The following RIMS1 variants were observed in gnomAD, a reference collection of about 807,000 sequenced individuals.
The protein encoded by RIMS1 is regulating synaptic membrane exocytosis 1.
Under a neutral mutation model 214.1 loss-of-function variants are expected in RIMS1, and 83 were observed. The observed-to-expected ratio is 0.39, with a 90% confidence interval of 0.32 to 0.47. The LOEUF (loss-of-function observed/expected upper bound fraction) is 0.47, where lower values mean the gene tolerates loss of function less well. Among genes scored for constraint, RIMS1 ranks in the 20% least tolerant of loss-of-function variants. The pLI is 0.99. For synonymous variants in RIMS1, 793 were observed against 786.8 expected (o/e 1.01, Z -0.13); for missense variants, 2,050 against 2,161.8 (o/e 0.95, Z 1.03).
intron 1 of RIMS1, among the ~76,000 whole-genome samples, chr6:71,968,612 G>C (rs1357858637): frequency 6.6e-6 from 1 of 152,152 alleles, no homozygotes; most frequent in Non-Finnish European, 1.5e-5. Context: ...AGAATATCCT[G>C]CTCAAAATTT....
At chr6:72,207,375 G>T (rs1036579785) in intron 6 of RIMS1, among the ~76,000 whole-genome samples, 3 of 152,172 alleles carry the variant, frequency 2.0e-5, no homozygotes, top group Non-Finnish European at 2.9e-5. Context: ...AAATGATCTT[G>T]ACTCTACTTG....
chr6:71,904,374 G>A (rs1187082039), intron 1 of RIMS1, among the ~76,000 whole-genome samples: 1 of 152,134 alleles, frequency 6.6e-6, no homozygotes, highest in East Asian at 1.9e-4. Context: ...TACAAATACA[G>A]TAAGGCCTCA....
intron 1 of RIMS1, among the ~76,000 whole-genome samples, chr6:71,934,741 G>A (rs1783999721): frequency 6.6e-6 from 1 of 152,140 alleles, no homozygotes; most frequent in South Asian, 2.1e-4. Flanking sequence ...CAGTCTCCTA[G>A]GAATAACTCT....
chr6:72,265,422 C>G lies in RIMS1; in HGVS notation c.3227C>G (p.Ser1076Ter). 1 of 1,608,548 alleles carries G rather than the reference C, an allele frequency of 6.2e-7. No individual in the cohort carries two copies. The highest frequency in any genetic ancestry group is 8.5e-7 in the Non-Finnish European group (1 of 1,176,040). Residue 1076 changes from serine to a stop codon, truncating the protein, a stop_gained, in exon 21 of 34, where the codon TCA (serine) becomes TGA (stop). Transcript: ENST00000521978. LOFTEE classifies it high-confidence loss of function. ...SILPAHTKTK[S>*]VTRQDISLHH... ...CTGCCTGCACATACTAAGACCAAAT[C>G]AGTGACTAGACAGGACATTTCCCTT...
intron 2 of RIMS1, among the ~76,000 whole-genome samples, chr6:72,052,251 C>A (rs897376349): frequency 2.0e-5 from 3 of 152,166 alleles, no homozygotes; most frequent in African/African-American, 7.2e-5. Flanking sequence ...AGTTAAAGAC[C>A]TGCTACCTCT....
At position 71,910,476 on chromosome 6, in the gene RIMS1, G is replaced by A. The variant is rs149677651; in HGVS notation, c.164+23289G>A. Among the ~76,000 whole-genome samples the A allele has an allele frequency of 7.9e-5, 12 of 152,156 alleles. No homozygotes were observed. In the East Asian group the frequency reaches 1.5e-3, roughly 20 times the overall value. On this transcript the variant is annotated intron_variant, in intron 1 of 33. Coordinates refer to ENST00000521978, the MANE Select transcript of RIMS1 (RefSeq NM_014989.7). ...TTGGTATACAATGTCCCGTCCATGC[G>A]TACACACTAGGCCACATTATGAATA...
intron 29 of RIMS1, among the ~76,000 whole-genome samples, chr6:72,370,561 C>T (rs1281086858): frequency 6.6e-6 from 1 of 152,192 alleles, no homozygotes; most frequent in Non-Finnish European, 1.5e-5. Context: ...ACTTCTGATT[C>T]TACTGAAATA....
At chr6:72,348,677 C>G (rs561065837) in intron 29 of RIMS1, among the ~76,000 whole-genome samples, 136 of 151,948 alleles carry the variant, frequency 9.0e-4, no homozygotes, top group Non-Finnish European at 1.8e-3. Flanking sequence ...ACCCATCACC[C>G]AAATAGTAAA....
At chr6:72,057,716 C>T (rs1415254412) in intron 2 of RIMS1, among the ~76,000 whole-genome samples, 1 of 152,046 alleles carries the variant, frequency 6.6e-6, no homozygotes, top group Non-Finnish European at 1.5e-5. Flanking sequence ...ACCGTGTTAA[C>T]CAGGATGGTC....
intron 4 of RIMS1, among the ~76,000 whole-genome samples, chr6:72,168,954 G>C (rs184071665): frequency 6.6e-6 from 1 of 152,142 alleles, no homozygotes; most frequent in Admixed American, 6.5e-5. Flanking sequence ...CTCTGCAGAT[G>C]GTGTTACTGT....
At chr6:72,316,365 C>G (rs907843020) in intron 28 of RIMS1, among the ~76,000 whole-genome samples, 1 of 152,178 alleles carries the variant, frequency 6.6e-6, no homozygotes, top group Non-Finnish European at 1.5e-5. Context: ...CCCTGCTCCT[C>G]CAGCCTTGCC....
chr6:71,981,149 C>T (rs779876579), intron 2 of RIMS1, among the ~76,000 whole-genome samples: 4 of 152,024 alleles, frequency 2.6e-5, no homozygotes, highest in Non-Finnish European at 5.9e-5. Context: ...CTAATTTTAG[C>T]TTTTTGCTGA....
At chr6:72,120,804 T>G (rs1056462009) in intron 4 of RIMS1, among the ~76,000 whole-genome samples, 1 of 151,966 alleles carries the variant, frequency 6.6e-6, no homozygotes, top group African/African-American at 2.4e-5. Flanking sequence ...TTTAAGTCTT[T>G]AATCCATCTT....
intron 4 of RIMS1, among the ~76,000 whole-genome samples, chr6:72,164,180 C>A (rs1437300243): frequency 3.9e-5 from 6 of 152,146 alleles, no homozygotes; most frequent in Non-Finnish European, 8.8e-5. Context: ...GGGCATAGGA[C>A]CCTCCGAGCC....
chr6:72,110,889 G>A (rs1448129917), intron 4 of RIMS1, among the ~76,000 whole-genome samples: 1 of 152,044 alleles, frequency 6.6e-6, no homozygotes, highest in Non-Finnish European at 1.5e-5. Flanking sequence ...CAATACCTAG[G>A]TTTCAGTTTT....
chr6:71,961,881 G>A (rs1196738096), intron 1 of RIMS1, among the ~76,000 whole-genome samples: 1 of 152,164 alleles, frequency 6.6e-6, no homozygotes, highest in Non-Finnish European at 1.5e-5. Context: ...GAGAATGAAT[G>A]CAGGTTAGTA....
intron 6 of RIMS1, chr6:72,213,032 C>T (rs999132899): frequency 1.5e-4 from 221 of 1,519,724 alleles, no homozygotes; most frequent in Non-Finnish European, 1.7e-4. Context: ...GCGCTTCACA[C>T]TCTTCTTAGA....
At chr6:72,288,339 C>T (rs1563602118) in intron 24 of RIMS1, among the ~76,000 whole-genome samples, 1 of 152,186 alleles carries the variant, frequency 6.6e-6, no homozygotes, top group East Asian at 1.9e-4. Context: ...CCTATAGATA[C>T]ATATATGCAT....
chr6:72,106,631 T>G (rs2153814886), intron 4 of RIMS1, among the ~76,000 whole-genome samples: 1 of 152,324 alleles, frequency 6.6e-6, no homozygotes, highest in African/African-American at 2.4e-5. Context: ...TTTCTTGTTT[T>G]GTTTGTTGCT....
Sources: allele counts gnomAD v4.1 joint callset (sites outside exome capture counted in the v4.1 genomes callset), GRCh38; gene constraint gnomAD v4.1.1; transcripts MANE v1.5; gene names NCBI Gene and HGNC (gene_info 2026-07-23, HGNC 2026-07-21).